TANC2: variants seen among roughly 807,000 people sequenced by gnomAD.
TANC2 encodes the protein tetratricopeptide repeat, ankyrin repeat and coiled-coil containing 2.
A neutral mutation model predicts 210.5 loss-of-function variants in TANC2; 26 were observed. The observed-to-expected ratio is 0.12, with a 90% CI of 0.09 to 0.17. The LOEUF (loss-of-function observed/expected upper bound fraction) is 0.17. Ranked by LOEUF, TANC2 falls within the 10% of genes least tolerant of loss-of-function variation. The pLI is 1.00. For synonymous variants in TANC2, 931 were observed against 967.1 expected (o/e 0.96, Z 0.69); for missense variants, 2,129 against 2,608.9 (o/e 0.82, Z 4.01).
At chr17:62,975,665 C>T (rs2031962842) in intron 1 of TANC2, among the ~76,000 whole-genome samples, 1 of 150,816 alleles carries the variant, frequency 6.6e-6, no homozygotes, top group African/African-American at 2.4e-5. Context: ...TTAGAAATTC[C>T]AATGATGAGA....
At chr17:63,089,500 G>A (rs1267772288) in intron 3 of TANC2, among the ~76,000 whole-genome samples, 2 of 152,194 alleles carry the variant, frequency 1.3e-5, no homozygotes, top group Non-Finnish European at 2.9e-5. Flanking sequence ...CAATTAAGTA[G>A]GTGGGTGCCA....
intron 1 of TANC2, among the ~76,000 whole-genome samples, chr17:62,999,048 T>C (rs1174744571): frequency 6.6e-6 from 1 of 152,220 alleles, no homozygotes; most frequent in Non-Finnish European, 1.5e-5. Flanking sequence ...CCAAATTTCA[T>C]GTTAAATGGT....
intron 2 of TANC2, among the ~76,000 whole-genome samples, chr17:63,012,124 C>T (rs957902213): frequency 6.6e-6 from 1 of 151,452 alleles, no homozygotes; most frequent in Non-Finnish European, 1.5e-5. Context: ...TCAAGCAATA[C>T]TCCCACCTCA....
At chr17:62,987,481 T>C (rs2032627836) in intron 1 of TANC2, among the ~76,000 whole-genome samples, 2 of 152,170 alleles carry the variant, frequency 1.3e-5, no homozygotes, top group African/African-American at 4.8e-5. Flanking sequence ...CTGCAGCTCT[T>C]CTAACGGGGG....
At chr17:63,111,442 C>T (rs1315956798) in intron 4 of TANC2, among the ~76,000 whole-genome samples, 2 of 152,148 alleles carry the variant, frequency 1.3e-5, no homozygotes, top group Non-Finnish European at 2.9e-5. Context: ...TCTGTCCTGT[C>T]CTTGTCTGTT....
intron 9 of TANC2, among the ~76,000 whole-genome samples, chr17:63,275,429 T>C (rs2043842465): frequency 6.6e-6 from 1 of 152,184 alleles, no homozygotes; most frequent in Non-Finnish European, 1.5e-5. Context: ...GCAATAAATT[T>C]AATTTTTATC....
chr17:63,240,425 T>C (rs1334738598), intron 8 of TANC2, among the ~76,000 whole-genome samples: 5 of 152,202 alleles, frequency 3.3e-5, no homozygotes, highest in South Asian at 2.1e-4. Flanking sequence ...CTCCCCATTA[T>C]ATTTTATGTG....
intron 8 of TANC2, among the ~76,000 whole-genome samples, chr17:63,258,926 CAG>C (rs1226754486): frequency 2.6e-5 from 4 of 152,176 alleles, no homozygotes; most frequent in Non-Finnish European, 5.9e-5. Context: ...AGGGAATACA[CAG>C]AGTCACACCT....
At chr17:63,110,554 C>G (rs1197820793) in intron 4 of TANC2, among the ~76,000 whole-genome samples, 2 of 148,236 alleles carry the variant, frequency 1.3e-5, no homozygotes, top group Admixed American at 6.6e-5. Context: ...GGGCTGCTGT[C>G]TGCTTCCAAG....
chr17:63,153,582 A>G (rs911347761), intron 5 of TANC2: 2 of 152,136 alleles, frequency 1.3e-5, no homozygotes, highest in African/African-American at 4.8e-5. Context: ...TTCTAACAAA[A>G]TCTCAGATCA....
rs1169928492 is a variant in TANC2 at position 63,317,423 on chromosome 17, T to TCCA, written c.1442-1518_1442-1516dup. Among the ~76,000 whole-genome samples the TCCA allele has an allele frequency of 3.3e-5, 5 of 150,112 alleles. No individual in the cohort carries two copies. In the East Asian group the frequency reaches 5.9e-4, roughly 18 times the overall value. On this transcript the variant is annotated intron_variant, in intron 10 of 27. Transcript: ENST00000689528. Reference sequence around the variant, plus strand: ...CCCAAACCTGACACCCCCATCAGTCTCCACCACCACCACCACCATTATCCA... The same window carrying TCCA: ...CCCAAACCTGACACCCCCATCAGTCTCCACCACCACCACCACCACCATTATCCA...
At chr17:63,091,404 GA>G (rs1363869978) in intron 3 of TANC2, among the ~76,000 whole-genome samples, 1 of 152,126 alleles carries the variant, frequency 6.6e-6, no homozygotes, top group African/African-American at 2.4e-5. Context: ...GAAAGGAAGG[GA>G]TCCAGTTTCA....
intron 5 of TANC2, among the ~76,000 whole-genome samples, chr17:63,179,566 A>G (rs1041986897): frequency 6.6e-6 from 1 of 152,226 alleles, no homozygotes; most frequent in Non-Finnish European, 1.5e-5. Flanking sequence ...ATTATTCCAG[A>G]AATAAACTTC....
intron 19 of TANC2, among the ~76,000 whole-genome samples, chr17:63,402,373 T>G (rs758351650): frequency 1.3e-5 from 2 of 152,248 alleles, no homozygotes; most frequent in African/African-American, 2.4e-5. Flanking sequence ...GTCTGTTTCC[T>G]TACTCAACCA....
intron 8 of TANC2, among the ~76,000 whole-genome samples, chr17:63,259,798 A>C (rs908846940): frequency 1.3e-5 from 2 of 152,198 alleles, no homozygotes; most frequent in African/African-American, 2.4e-5. Flanking sequence ...TAATGTAAAT[A>C]GAAGATACTT....
At chr17:63,098,457 CACACACACACACACACACACACAT>C (rs577438128) in intron 3 of TANC2, among the ~76,000 whole-genome samples, 36,715 of 108,276 alleles carry the variant, frequency 0.34, 6,146 homozygotes, top group South Asian at 0.38. Flanking sequence ...CACACACACA[CACACACACACACACACACACACAT>C]ACACTCTCTC....
At chr17:63,040,284 A>T (rs1015935024) in intron 2 of TANC2, among the ~76,000 whole-genome samples, 1 of 152,232 alleles carries the variant, frequency 6.6e-6, no homozygotes, top group Non-Finnish European at 1.5e-5. Flanking sequence ...TAGGACAAGT[A>T]ACATTTCTCT....
intron 12 of TANC2, among the ~76,000 whole-genome samples, chr17:63,350,247 C>A (rs1473852448): frequency 6.6e-6 from 1 of 152,154 alleles, no homozygotes; most frequent in African/African-American, 2.4e-5. Flanking sequence ...CTTCTTTTTC[C>A]TCCTCAGATA....
Position 62,973,060 on chromosome 17 carries a change from A to G in TANC2, c.-24+6311A>G, listed in dbSNP as rs1253049360. Among the ~76,000 whole-genome samples, 52 of 144,452 alleles carry G rather than the reference A, an allele frequency of 3.6e-4. No homozygotes were observed. In the Admixed American group the frequency reaches 3.6e-3, roughly 10 times the overall value. 94.8% of individuals were successfully genotyped at this position (144,452 alleles called of 152,430 possible). A position where few individuals can be genotyped will look rare whatever the true frequency, so the allele number is the denominator to read the frequency against. On this transcript the variant is annotated intron_variant, in intron 1 of 27. Transcript: ENST00000689528. ...TTTTTTTTTTTTTACACGGCGTCTC[A>G]CTCTGTTGCCTAGGCTAGAGTGTAA...
Sources: gnomAD v4.1 joint callset for allele counts (sites outside exome capture counted in the v4.1 genomes callset) on GRCh38, gnomAD v4.1.1 for gene constraint, MANE v1.5 for transcripts, NCBI Gene and HGNC (gene_info 2026-07-23, HGNC 2026-07-21) for gene names.